STK3: variants seen among roughly 807,000 people sequenced by gnomAD.
STK3 encodes the protein serine/threonine-protein kinase 3.
In STK3, 41 loss-of-function variants were observed where a neutral mutation model predicts 58.0. The ratio of observed to expected loss-of-function variants is 0.71; its 90% CI spans 0.55 to 0.92. The LOEUF (loss-of-function observed/expected upper bound fraction) is 0.92. Ranked by LOEUF, STK3 falls within the 40% of genes least tolerant of loss-of-function variation. The probability of loss-of-function intolerance (pLI) is 0.00; values close to 1 mark genes in which losing one functional copy is unlikely to be tolerated. For missense variants in STK3, 479 were observed against 602.7 expected, an observed-to-expected ratio of 0.79 and a Z score of 2.15; for synonymous variants, 170 against 191.0, an observed-to-expected ratio of 0.89 and a Z score of 0.91.
intron 3 of STK3, among the ~76,000 whole-genome samples, chr8:98,837,643 C>T (rs897678577): frequency 6.6e-6 from 1 of 152,152 alleles, no homozygotes; most frequent in African/African-American, 2.4e-5. Flanking sequence ...TATAAGGAAA[C>T]TTGTCCAGGT....
At chr8:98,877,467 TG>T (rs1352844030) in intron 3 of STK3, among the ~76,000 whole-genome samples, 1 of 152,138 alleles carries the variant, frequency 6.6e-6, no homozygotes, top group Non-Finnish European at 1.5e-5. Flanking sequence ...AGTCATTCCA[TG>T]TGTTTTTTTT....
intron 9 of STK3, among the ~76,000 whole-genome samples, chr8:98,540,046 G>A (rs1441176303): frequency 1.3e-5 from 2 of 152,018 alleles, no homozygotes; most frequent in African/African-American, 2.4e-5. Flanking sequence ...GAGCCACTGC[G>A]CCCGGCCTCT....
At chr8:98,576,313 A>C (rs1813393912) in intron 8 of STK3, among the ~76,000 whole-genome samples, 1 of 152,188 alleles carries the variant, frequency 6.6e-6, no homozygotes, top group South Asian at 2.1e-4. Flanking sequence ...TTTCATATTA[A>C]GTTTTGAAAA....
At chr8:98,352,774 A>T in the STK3 span, among the ~76,000 whole-genome samples, 1 of 151,640 alleles carries the variant, frequency 6.6e-6, no homozygotes, top group Admixed American at 6.6e-5. Context: ...ACCTAAAAGA[A>T]AAAAAAAACA....
chr8:98,478,085 G>A (rs752418073), intron 10 of STK3, among the ~76,000 whole-genome samples: 11 of 152,108 alleles, frequency 7.2e-5, no homozygotes, highest in Non-Finnish European at 1.2e-4. Context: ...GAAGCAAGTG[G>A]CTCTTGGTCA....
chr8:98,655,178 C>T (rs902592338), intron 6 of STK3, among the ~76,000 whole-genome samples: 2 of 151,988 alleles, frequency 1.3e-5, no homozygotes, highest in African/African-American at 4.8e-5. Context: ...AGAAATAACG[C>T]CGCATACCTA....
intron 9 of STK3, among the ~76,000 whole-genome samples, chr8:98,534,276 A>G (rs1488718211): frequency 6.6e-6 from 1 of 152,206 alleles, no homozygotes; most frequent in Non-Finnish European, 1.5e-5. Flanking sequence ...AATGGTACCC[A>G]CTGTAAAGAT....
chr8:98,685,220 C>T (rs1012458312), intron 6 of STK3, among the ~76,000 whole-genome samples: 1 of 152,106 alleles, frequency 6.6e-6, no homozygotes, highest in African/African-American at 2.4e-5. Flanking sequence ...CTAAGCAATA[C>T]TTAATGGAAA....
At chr8:98,768,594 T>C (rs1001662356) in intron 2 of STK3, among the ~76,000 whole-genome samples, 2 of 152,158 alleles carry the variant, frequency 1.3e-5, no homozygotes, top group Non-Finnish European at 2.9e-5. Context: ...TATGTGTGTA[T>C]GTGTGTATAT....
At chr8:98,610,803 G>T (rs964663597) in intron 6 of STK3, among the ~76,000 whole-genome samples, 1 of 152,204 alleles carries the variant, frequency 6.6e-6, no homozygotes, top group South Asian at 2.1e-4. Context: ...ACCGGGCCTA[G>T]TGCCTATAAT....
At chr8:98,533,205 A>G (rs567875154) in intron 9 of STK3, among the ~76,000 whole-genome samples, 29 of 152,240 alleles carry the variant, frequency 1.9e-4, no homozygotes, top group African/African-American at 6.5e-4. Flanking sequence ...CATCTTAGAG[A>G]TCCTGCTAAT....
upstream of STK3, among the ~76,000 whole-genome samples, chr8:98,827,802 C>T (rs1361016370): frequency 2.6e-5 from 4 of 151,916 alleles, no homozygotes; most frequent in African/African-American, 7.3e-5. Context: ...CTACAATGCC[C>T]GGCTACAAAA....
chr8:98,351,837 A>G, the STK3 span, among the ~76,000 whole-genome samples: 1 of 152,182 alleles, frequency 6.6e-6, no homozygotes, highest in Non-Finnish European at 1.5e-5. Context: ...ACAATTTGTC[A>G]CACCAGTCAG....
chr8:98,404,552 T>C (rs187436862), intron 3 of STK3, among the ~76,000 whole-genome samples: 2 of 152,112 alleles, frequency 1.3e-5, no homozygotes, highest in Non-Finnish European at 2.9e-5. Flanking sequence ...CGGTGGCGGA[T>C]GCCTGTAGTC....
chr8:98,833,793 G>A (rs1388051039), intron 3 of STK3, among the ~76,000 whole-genome samples: 2 of 152,126 alleles, frequency 1.3e-5, no homozygotes, highest in African/African-American at 4.8e-5. Context: ...GGTCCATTTA[G>A]TCAGTTGAGG....
chr8:98,359,606 T>A, the STK3 span, among the ~76,000 whole-genome samples: 1 of 152,040 alleles, frequency 6.6e-6, no homozygotes, highest in Non-Finnish European at 1.5e-5. Flanking sequence ...GCCACTGTGA[T>A]CTCCCTCACT....
chr8:98,739,100 G>A lies in STK3; in HGVS notation c.351+10176C>T, dbSNP rs542058325. Among the ~76,000 whole-genome samples, 141 of 152,368 alleles carry A rather than the reference G, an allele frequency of 9.3e-4. 2 individuals are homozygous for A. The South Asian group carries it at 0.028, about 31-fold the overall frequency. ...ACAAAGCAGCCGGGAAGCTCCAACT[G>A]GGTGGAGCCCACCACAGCTCAAGGA... On this transcript the variant is annotated intron_variant, in intron 4 of 10. Coordinates refer to ENST00000419617, the MANE Select transcript of STK3 (RefSeq NM_006281.4).
At chr8:98,564,661 T>C (rs555341047) in intron 8 of STK3, among the ~76,000 whole-genome samples, 19 of 152,164 alleles carry the variant, frequency 1.2e-4, no homozygotes, top group Non-Finnish European at 2.2e-4. Context: ...CATGAGGTGA[T>C]GGAAATGCTA....
chr8:98,923,854 T>TGTGTGTGCGCGC (rs1491486943), intron 1 of STK3, among the ~76,000 whole-genome samples: 18 of 113,620 alleles, frequency 1.6e-4, no homozygotes, highest in East Asian at 9.4e-4. Context: ...TGTGTGTGTG[T>TGTGTGTGCGCGC]GCGCGCGCGC....
Sources: allele counts gnomAD v4.1 joint callset (sites outside exome capture counted in the v4.1 genomes callset), GRCh38; gene constraint gnomAD v4.1.1; transcripts MANE v1.5; gene names NCBI Gene and HGNC (gene_info 2026-07-23, HGNC 2026-07-21).